SSR3: variants seen among roughly 807,000 people sequenced by gnomAD.
The protein encoded by SSR3 is translocon-associated protein subunit gamma.
In SSR3, 10 loss-of-function variants were observed where a neutral mutation model predicts 22.1. The ratio of observed to expected loss-of-function variants is 0.45; its 90% CI spans 0.28 to 0.77. The LOEUF (loss-of-function observed/expected upper bound fraction) is 0.77. SSR3 is among the 30% of genes least tolerant of loss of function. The pLI is 0.13. For missense variants in SSR3, 181 were observed against 220.5 expected (o/e 0.82, Z 1.13); for synonymous variants, 104 against 82.5 (o/e 1.26, Z -1.42).
chr3:156,551,723 G>A (rs1004753226), intron 2 of SSR3, among the ~76,000 whole-genome samples: 34 of 152,120 alleles, frequency 2.2e-4, no homozygotes, highest in Admixed American at 1.4e-3. Flanking sequence ...CTCATTCCCC[G>A]AAAGAGTCTA....
intron 1 of SSR3, 88 bp downstream of exon 1, chr3:156,554,869 G>A: frequency 6.6e-7 from 1 of 1,516,964 alleles, no homozygotes; most frequent in African/African-American, 1.4e-5. Flanking sequence ...CGGCACCCAC[G>A]CCTTCCCTGC....
At chr3:156,549,271 T>A (rs1269464975) in intron 2 of SSR3, among the ~76,000 whole-genome samples, 1 of 152,260 alleles carries the variant, frequency 6.6e-6, no homozygotes, top group South Asian at 2.1e-4. Flanking sequence ...GGAATTAATG[T>A]GGTTAATAAA....
At chr3:156,544,054 G>T (rs1036037889) in intron 4 of SSR3, 1 of 389,956 alleles carries the variant, frequency 2.6e-6, no homozygotes, top group East Asian at 3.7e-5. Context: ...TTTTTTTTAA[G>T]GAGGCAAGGA....
intron 2 of SSR3, among the ~76,000 whole-genome samples, chr3:156,552,013 G>C (rs887750685): frequency 4.5e-4 from 69 of 152,090 alleles, no homozygotes; most frequent in African/African-American, 1.6e-3. Context: ...AAAAAAAACA[G>C]GCCATGGCTG....
At chr3:156,554,381 G>C (rs1241790372) in intron 1 of SSR3, among the ~76,000 whole-genome samples, 2 of 152,212 alleles carry the variant, frequency 1.3e-5, no homozygotes, top group Admixed American at 1.3e-4. Flanking sequence ...CCAACCAAGT[G>C]AGAATTCTAG....
intron 4 of SSR3, 34 bp from the exon 5 acceptor site, chr3:156,543,303 A>T (rs1488289283): frequency 1.3e-6 from 2 of 1,580,458 alleles, no homozygotes; most frequent in Non-Finnish European, 8.7e-7. Context: ...AAAAATGAGT[A>T]ACTCCAAATT....
Position 156,543,084 on chromosome 3 carries a change from T to A in SSR3, c.*119A>T. The stretch of plus-strand genomic sequence containing the variant: ...AATACTGAATTACATTCTGCTGGGT[T>A]TTTTAAAGGCTCTAGACTATAAAAA... On this transcript the variant is annotated 3_prime_UTR_variant, in exon 5 of 5. Coordinates refer to ENST00000265044, the MANE Select transcript of SSR3 (RefSeq NM_007107.5). 1 of 689,830 alleles carries A rather than the reference T, an allele frequency of 1.4e-6. No homozygotes were observed. The highest frequency in any genetic ancestry group is 2.3e-6 in the Non-Finnish European group (1 of 431,820). The allele number at this position is 689,830 out of a possible 1,614,324, so 42.7% of individuals were successfully genotyped here. A position where few individuals can be genotyped will look rare whatever the true frequency, so the allele number is the denominator to read the frequency against.
chr3:156,543,899 G>C (rs944316983), intron 4 of SSR3: 1 of 187,372 alleles, frequency 5.3e-6, no homozygotes, highest in Admixed American at 6.1e-5. Flanking sequence ...ACAGCAGCTT[G>C]AAACACTATT....
rs1304795168 is a variant in SSR3 at position 156,540,883 on chromosome 3, AAGAGT to A, written c.*2315_*2319del. ...TGTGTGCCACACAGAACTTTTAGAC[AAGAGT>A]AGAGGGGAAAAGGTTCTGCAATTCC... On this transcript the variant is annotated 3_prime_UTR_variant, in exon 5 of 5. Transcript: ENST00000265044. 1.3e-5 allele frequency: 2 copies of A among 152,160 alleles called. No homozygotes were observed. The highest frequency in any genetic ancestry group is 2.4e-5 in the African/African-American group (1 of 41,440). 9.4% of individuals were successfully genotyped at this position (152,160 alleles called of 1,614,324 possible).
chr3:156,543,081 G>T lies in SSR3; in HGVS notation c.*122C>A. ...ACAAATACTGAATTACATTCTGCTG[G>T]GTTTTTTAAAGGCTCTAGACTATAA... is the stretch of plus-strand genomic sequence containing the variant. On this transcript the variant is annotated 3_prime_UTR_variant, in exon 5 of 5. Transcript: ENST00000265044. 1.6e-6 allele frequency: 1 copy of T among 633,020 alleles called. No individual in the cohort carries two copies. Among genetic ancestry groups the T allele is most frequent in the Non-Finnish European group, 2.6e-6 (1 of 381,908 alleles). 39.2% of individuals were successfully genotyped at this position (633,020 alleles called of 1,614,324 possible). A position where few individuals can be genotyped will look rare whatever the true frequency, so the allele number is the denominator to read the frequency against.
At position 156,543,253 on chromosome 3, in the gene SSR3, T is replaced by C. The variant is rs757676113; in HGVS notation, c.508A>G (p.Ile170Val). The C allele has an allele frequency of 1.1e-5, 17 of 1,613,770 alleles. No individual in the cohort carries two copies. The highest frequency in any genetic ancestry group is 1.4e-5 in the Non-Finnish European group (16 of 1,179,850). ...GCGATGAGTCCTGATGAAGCACTTATGGACAATATGTAGTTCCTGTAAGAA... is the reference window on the plus strand; with the variant it reads ...GCGATGAGTCCTGATGAAGCACTTACGGACAATATGTAGTTCCTGTAAGAA... The part of the protein sequence containing the change: ...FNPTVNYILS[I>V]SASSGLIALL... The change falls in exon 5 of 5, where the codon ATA becomes GTA. Residue 170 changes from isoleucine (I) to valine (V), a missense_variant. Physicochemically the swap from Ile to Val is conservative, Grantham distance 29. Coordinates refer to ENST00000265044, the MANE Select transcript of SSR3 (RefSeq NM_007107.5).
intron 2 of SSR3, 66 bp from the exon 3 acceptor site, chr3:156,549,069 G>T: frequency 6.8e-7 from 1 of 1,462,636 alleles, no homozygotes; most frequent in Non-Finnish European, 9.2e-7. Flanking sequence ...CACTCTCTCA[G>T]AAACACACCG....
At chr3:156,554,931 T>TA in intron 1 of SSR3, 26 bp downstream of exon 1, 1 of 1,606,396 alleles carries the variant, frequency 6.2e-7, no homozygotes, top group Non-Finnish European at 8.5e-7. Flanking sequence ...GCGGCCTGCC[T>TA]AACCCGCCTC....
At position 156,540,169 on chromosome 3, in the gene SSR3, C is replaced by CTT. The variant is rs1369218861; in HGVS notation, c.*3032_*3033dup. Reference sequence around the variant, plus strand: ...TTTTAAGAAGCAAAGTTTAATCATACTTATTAAGCAAGACTTTTCACAAGA... The same window carrying CTT: ...TTTTAAGAAGCAAAGTTTAATCATACTTTTATTAAGCAAGACTTTTCACAAGA... On this transcript the variant is annotated 3_prime_UTR_variant, in exon 5 of 5. Coordinates refer to ENST00000265044, the MANE Select transcript of SSR3 (RefSeq NM_007107.5). 1.3e-5 allele frequency: 2 copies of CTT among 151,820 alleles called. No individual in the cohort carries two copies. Among genetic ancestry groups the CTT allele is most frequent in the Non-Finnish European group, 2.9e-5 (2 of 67,940 alleles). 9.4% of individuals were successfully genotyped at this position (151,820 alleles called of 1,614,324 possible).
At position 156,555,107 on chromosome 3, in the gene SSR3, G is replaced by C. The variant is rs199822497; in HGVS notation, c.-18C>G. 1 of 1,611,614 alleles carries C rather than the reference G, an allele frequency of 6.2e-7. No homozygotes were observed. Among genetic ancestry groups the C allele is most frequent in the Non-Finnish European group, 8.5e-7 (1 of 1,179,482 alleles). ...GGAGCCATGGCGGAGCTGCAGGCGA[G>C]AACAGGGAACGTAGAGCCGGCCGCC... On this transcript the variant is annotated 5_prime_UTR_variant, in exon 1 of 5. Transcript: ENST00000265044.
Position 156,544,389 on chromosome 3 carries a change from GA to G in SSR3, c.409del (p.Ser137ProfsTer21). ...EVADYEATTF[S>X]IFYNNTLFLV... The stretch of plus-strand genomic sequence containing the variant: ...GAACAGAGTGTTGTTATAGAAGATG[GA>G]AAATGTTGTAGCTTCATAATCAGCA... On this transcript the variant is annotated frameshift_variant, in exon 4 of 5. Transcript: ENST00000265044. LOFTEE classifies it high-confidence loss of function. 4 of 1,595,028 alleles carry G rather than the reference GA, an allele frequency of 2.5e-6. No individual in the cohort carries two copies. Among genetic ancestry groups the G allele is most frequent in the Admixed American group, 1.7e-5 (1 of 57,906 alleles).
chr3:156,553,407 G>A (rs1720032629), intron 2 of SSR3, among the ~76,000 whole-genome samples: 1 of 152,104 alleles, frequency 6.6e-6, no homozygotes, highest in Non-Finnish European at 1.5e-5. Context: ...CTCATATTAA[G>A]GCCTGTGTTT....
intron 1 of SSR3, among the ~76,000 whole-genome samples, chr3:156,554,294 A>G (rs577949207): frequency 6.6e-6 from 1 of 152,344 alleles, no homozygotes; most frequent in East Asian, 1.9e-4. Context: ...TAAATGCCCA[A>G]CAACAGTGCA....
chr3:156,543,158 C>T lies in SSR3; in HGVS notation c.*45G>A. On this transcript the variant is annotated 3_prime_UTR_variant, in exon 5 of 5. Coordinates refer to ENST00000265044, the MANE Select transcript of SSR3 (RefSeq NM_007107.5). ...CACCCTGCTACTTTTCCATATACCA[C>T]AGGCCACCCATAGACACAAAGCCAG... The T allele has an allele frequency of 6.3e-7, 1 of 1,578,294 alleles. No homozygotes were observed. The highest frequency in any genetic ancestry group is 8.7e-7 in the Non-Finnish European group (1 of 1,150,954).
Sources: gnomAD v4.1 joint callset for allele counts (sites outside exome capture counted in the v4.1 genomes callset) on GRCh38, gnomAD v4.1.1 for gene constraint, MANE v1.5 for transcripts, NCBI Gene and HGNC (gene_info 2026-07-23, HGNC 2026-07-21) for gene names.